Variants in SHISA9 observed in about 807,000 individuals in gnomAD.
SHISA9 encodes shisa family member 9, also known as protein shisa-9.
Under a neutral mutation model 38.0 loss-of-function variants are expected in SHISA9, and 13 were observed. That is an observed-to-expected ratio of 0.34 (90% CI 0.22 to 0.54). SHISA9 has a LOEUF of 0.54. Ranked by LOEUF, SHISA9 falls within the 20% of genes least tolerant of loss-of-function variation. The probability of loss-of-function intolerance (pLI) is 0.91; values close to 1 mark genes in which losing one functional copy is unlikely to be tolerated. For synonymous variants in SHISA9, 275 were observed against 242.0 expected (o/e 1.14, Z -1.27); for missense variants, 538 against 575.8 (o/e 0.93, Z 0.67).
intron 2 of SHISA9, among the ~76,000 whole-genome samples, chr16:13,104,669 A>C (rs1295886710): frequency 6.6e-6 from 1 of 152,120 alleles, no homozygotes; most frequent in Admixed American, 6.5e-5. Flanking sequence ...AAGAAAGTAG[A>C]TTAGTGGTTG....
At chr16:13,063,451 A>G (rs1367391736) in intron 2 of SHISA9, among the ~76,000 whole-genome samples, 1 of 152,128 alleles carries the variant, frequency 6.6e-6, no homozygotes, top group Non-Finnish European at 1.5e-5. Context: ...CATGTTCACC[A>G]TCACCATTAT....
the SHISA9 span, among the ~76,000 whole-genome samples, chr16:13,352,170 A>G: frequency 1.3e-5 from 2 of 152,202 alleles, no homozygotes; most frequent in Admixed American, 1.3e-4. Flanking sequence ...CCAACTTCTT[A>G]TATCTCCTTT....
intron 2 of SHISA9, among the ~76,000 whole-genome samples, chr16:13,174,488 G>A (rs575407586): frequency 1.3e-5 from 2 of 152,332 alleles, no homozygotes; most frequent in East Asian, 3.9e-4. Context: ...CAGAGAGATA[G>A]CGATGGCCTG....
the SHISA9 span, among the ~76,000 whole-genome samples, chr16:13,349,593 T>G: frequency 3.2e-4 from 48 of 152,332 alleles, no homozygotes; most frequent in African/African-American, 1.1e-3. Context: ...TGAGTTAGCA[T>G]GATTAGATGT....
the SHISA9 span, among the ~76,000 whole-genome samples, chr16:13,357,811 C>G: frequency 6.8e-6 from 1 of 147,968 alleles, no homozygotes; most frequent in African/African-American, 2.5e-5. Flanking sequence ...GTGGGGGTCG[C>G]AAGGTGCTCA....
chr16:13,325,717 A>C, the SHISA9 span, among the ~76,000 whole-genome samples: 1 of 152,186 alleles, frequency 6.6e-6, no homozygotes, highest in Admixed American at 6.5e-5. Context: ...AACACTATGC[A>C]GCCATAAAAG....
chr16:13,233,700 C>T (rs922978220), intron 4 of SHISA9, among the ~76,000 whole-genome samples: 2 of 152,188 alleles, frequency 1.3e-5, no homozygotes. Flanking sequence ...CTATAGTTTG[C>T]CAATCCCTGA....
At chr16:13,130,391 T>C (rs1481823622) in intron 2 of SHISA9, among the ~76,000 whole-genome samples, 6 of 152,072 alleles carry the variant, frequency 3.9e-5, no homozygotes, top group African/African-American at 9.7e-5. Flanking sequence ...TCAGGTGTGC[T>C]TCATCCCTAA....
chr16:13,203,373 C>A, intron 2 of SHISA9, 21 bp from the exon 3 acceptor site: 2 of 1,511,452 alleles, frequency 1.3e-6, no homozygotes, highest in Non-Finnish European at 1.8e-6. Flanking sequence ...TGACAATCTC[C>A]TTCTGTGTCT....
intron 2 of SHISA9, among the ~76,000 whole-genome samples, chr16:13,048,706 G>T (rs1035845883): frequency 2.6e-5 from 4 of 152,212 alleles, no homozygotes; most frequent in African/African-American, 9.6e-5. Context: ...ACAGGCATGA[G>T]CCACCGCACC....
At position 12,952,430 on chromosome 16, in the gene SHISA9, TCTC is replaced by T. The variant is rs549087458; in HGVS notation, c.691+35619_691+35621del. Among the ~76,000 whole-genome samples the T allele has an allele frequency of 8.5e-5, 13 of 152,324 alleles. No homozygotes were observed. In the South Asian group the frequency reaches 2.5e-3, roughly 29 times the overall value. The stretch of plus-strand genomic sequence containing the variant: ...TTTATCCATTGATATATTGGGATAA[TCTC>T]CTCTGTCTTCAGTGTCCTCCTGTTA... On this transcript the variant is annotated intron_variant, in intron 2 of 4. Coordinates refer to ENST00000558583, the MANE Select transcript of SHISA9 (RefSeq NM_001145204.3).
chr16:13,142,084 C>T (rs1209406735), intron 2 of SHISA9, among the ~76,000 whole-genome samples: 1 of 152,190 alleles, frequency 6.6e-6, no homozygotes, highest in East Asian at 1.9e-4. Flanking sequence ...TTACAGTGTC[C>T]CCATTCTAGG....
chr16:13,164,576 T>C (rs959881296), intron 2 of SHISA9, among the ~76,000 whole-genome samples: 1 of 152,094 alleles, frequency 6.6e-6, no homozygotes, highest in African/African-American at 2.4e-5. Context: ...TAAATGTTTT[T>C]AGACTAGAAG....
intron 2 of SHISA9, among the ~76,000 whole-genome samples, chr16:12,974,445 C>CAT (rs2072127570): frequency 6.8e-6 from 1 of 147,696 alleles, no homozygotes; most frequent in Admixed American, 6.8e-5. Context: ...CTTTCATGTC[C>CAT]ATATAAGCCA....
At chr16:13,088,944 G>C (rs276636) in intron 2 of SHISA9, among the ~76,000 whole-genome samples, 2,811 of 152,172 alleles carry the variant, frequency 0.018, 82 homozygotes, top group African/African-American at 0.064. Flanking sequence ...ATTGGCTGTG[G>C]GTTTGTCTTA....
chr16:13,362,214 C>CA, the SHISA9 span, among the ~76,000 whole-genome samples: 93,560 of 127,366 alleles, frequency 0.73, 33,930 homozygotes, highest in East Asian at 0.79. Flanking sequence ...GAACGACAGC[C>CA]AAAAAAAAAA....
chr16:12,950,817 C>T (rs1033246084), intron 2 of SHISA9, among the ~76,000 whole-genome samples: 8 of 151,362 alleles, frequency 5.3e-5, no homozygotes, highest in Admixed American at 2.0e-4. Context: ...GCCATGTTGG[C>T]CAGGATGATC....
chr16:13,381,578 A>G, the SHISA9 span, among the ~76,000 whole-genome samples: 77 of 152,366 alleles, frequency 5.1e-4, no homozygotes, highest in African/African-American at 1.8e-3. Context: ...TTTGAGATGT[A>G]AATTTATTGG....
the SHISA9 span, among the ~76,000 whole-genome samples, chr16:13,337,370 T>A: frequency 6.6e-6 from 1 of 152,148 alleles, no homozygotes; most frequent in African/African-American, 2.4e-5. Flanking sequence ...TCTTCTCTCA[T>A]CTGCTGCCGT....
Sources: allele counts gnomAD v4.1 joint callset (sites outside exome capture counted in the v4.1 genomes callset), GRCh38; gene constraint gnomAD v4.1.1; transcripts MANE v1.5; gene names NCBI Gene and HGNC (gene_info 2026-07-23, HGNC 2026-07-21).